Variants in ATP2B3 observed in about 807,000 individuals in gnomAD.
ATP2B3 encodes ATPase plasma membrane Ca2+ transporting 3.
Under a neutral mutation model 70.8 loss-of-function variants are expected in ATP2B3, and 12 were observed. The ratio of observed to expected loss-of-function variants is 0.17; its 90% CI spans 0.11 to 0.27. The LOEUF (loss-of-function observed/expected upper bound fraction) is 0.27. ATP2B3 is among the 10% of genes least tolerant of loss of function. ATP2B3 has a pLI of 1.00. For synonymous variants in ATP2B3, 460 were observed against 497.8 expected (o/e 0.92, Z 1.01); for missense variants, 858 against 1,118.5 (o/e 0.77, Z 3.32).
chrX:153,550,760 C>T (rs1305320699), intron 12 of ATP2B3, among the ~76,000 whole-genome samples: 1 of 111,403 alleles, frequency 9.0e-6, no homozygotes, highest in Non-Finnish European at 1.9e-5. Flanking sequence ...CCACGCCCAG[C>T]GAATTTTCAA....
At chrX:153,526,852 C>G (rs782474173) in intron 2 of ATP2B3, among the ~76,000 whole-genome samples, 9 of 112,168 alleles carry the variant, frequency 8.0e-5, no homozygotes, top group Non-Finnish European at 1.5e-4. Context: ...GGCCTCTGAC[C>G]TTGACACCAA....
At chrX:153,569,685 A>G in intron 21 of ATP2B3, 1 of 1,211,438 alleles carries the variant, frequency 8.3e-7, no homozygotes, top group Non-Finnish European at 1.1e-6. Flanking sequence ...AGCCAGCTTC[A>G]TGACGTAACC....
At chrX:153,572,867 A>G (rs904808551) in intron 21 of ATP2B3, among the ~76,000 whole-genome samples, 13 of 112,271 alleles carry the variant, frequency 1.2e-4, no homozygotes, top group Non-Finnish European at 1.9e-4. Flanking sequence ...CAGCAGGCAC[A>G]GGGGGCTGCG....
At position 153,569,543 on chromosome X, in the gene ATP2B3, C is replaced by G. The variant is rs140501723; in HGVS notation, c.3342+4440C>G. On this transcript the variant is annotated intron_variant, in intron 21 of 21. Coordinates refer to ENST00000263519, the MANE Select transcript of ATP2B3 (RefSeq NM_001001344.3). ...GGCCCCTATCCTCGCCCAGCCCTCC[C>G]CTCCGTGATAGCCTGGACAACAGTG... 6,177 of 1,168,761 alleles carry G rather than the reference C, an allele frequency of 5.3e-3. 25 individuals are homozygous for G. Among genetic ancestry groups the G allele is most frequent in the Middle Eastern group, 0.012 (44 of 3,625 alleles).
In ATP2B3 at chrX:153,556,384, G is replaced by A. The variant is rs1557013628; in HGVS notation, c.2292G>A (p.Arg764=). 2.5e-6 allele frequency: 3 copies of A among 1,206,156 alleles called. No individual in the cohort carries two copies. The highest frequency in any genetic ancestry group is 3.4e-6 in the Non-Finnish European group (3 of 893,393). Residue 764 remains arginine, a synonymous_variant, in exon 15 of 22, where the codon CGG becomes CGA. Coordinates refer to ENST00000263519, the MANE Select transcript of ATP2B3 (RefSeq NM_001001344.3). ...GGCCCAAGCTGAGGGTGCTGGCCCG[G>A]TCGTCTCCCACCGACAAGCACACAC... ...KVWPKLRVLA[R]SSPTDKHTLV...
intron 3 of ATP2B3, among the ~76,000 whole-genome samples, chrX:153,537,998 A>G (rs1223408939): frequency 8.9e-6 from 1 of 112,668 alleles, no homozygotes; most frequent in African/African-American, 3.2e-5. Context: ...CTGGGTCCCC[A>G]AGGCCACAGT....
At chrX:153,554,641 C>T (rs1386905475) in intron 13 of ATP2B3, among the ~76,000 whole-genome samples, 10 of 112,920 alleles carry the variant, frequency 8.9e-5, no homozygotes, top group East Asian at 5.6e-4. Context: ...TCACTGAAAC[C>T]GCCAGGGTGC....
chrX:153,536,505 G>C, intron 3 of ATP2B3, 50 bp downstream of exon 3: 6 of 1,151,107 alleles, frequency 5.2e-6, no homozygotes, highest in Non-Finnish European at 7.0e-6. Context: ...CCAGCCTTCA[G>C]AGGAGCGACC....
intron 21 of ATP2B3, among the ~76,000 whole-genome samples, chrX:153,571,665 C>T (rs2090791341): frequency 8.9e-6 from 1 of 112,672 alleles, no homozygotes; most frequent in South Asian, 3.6e-4. Flanking sequence ...TCCCCCTCCT[C>T]CCCACCTCCG....
intron 2 of ATP2B3, among the ~76,000 whole-genome samples, chrX:153,519,264 C>A (rs1239173130): frequency 8.9e-6 from 1 of 112,301 alleles, no homozygotes; most frequent in Non-Finnish European, 1.9e-5. Context: ...ATCATTGAGG[C>A]CCCCAAGAGG....
At chrX:153,536,585 C>T (rs1557004256) in intron 3 of ATP2B3, 130 bp downstream of exon 3, 1 of 732,901 alleles carries the variant, frequency 1.4e-6, no homozygotes, top group African/African-American at 2.1e-5. Flanking sequence ...CAGCCATTTC[C>T]CTTGAGGGGG....
chrX:153,566,918 C>T (rs1342125345), intron 21 of ATP2B3, among the ~76,000 whole-genome samples: 1 of 112,254 alleles, frequency 8.9e-6, no homozygotes, highest in East Asian at 2.8e-4. Context: ...ACCACGATCA[C>T]GCAGGGCTAG....
intron 13 of ATP2B3, 66 bp downstream of exon 13, chrX:153,553,335 G>C: frequency 2.0e-6 from 2 of 1,006,116 alleles, no homozygotes; most frequent in Non-Finnish European, 2.7e-6. Flanking sequence ...TGTCCGGACT[G>C]GTAGGGGCGG....
At chrX:153,535,421 TCTC>T (rs1240899710) in intron 2 of ATP2B3, among the ~76,000 whole-genome samples, 2 of 110,994 alleles carry the variant, frequency 1.8e-5, no homozygotes, top group Non-Finnish European at 3.8e-5. Flanking sequence ...CCTCTCCTCC[TCTC>T]CTCCTCAGCC....
intron 8 of ATP2B3, among the ~76,000 whole-genome samples, chrX:153,547,098 C>T (rs954573394): frequency 3.6e-5 from 4 of 111,479 alleles, no homozygotes; most frequent in Admixed American, 9.4e-5. Flanking sequence ...CTCCCCAGGT[C>T]GCTGCGTCGG....
rs1281790563 is a variant in ATP2B3, at chrX:153,518,482, TC to T, written c.-194del. On this transcript the variant is annotated 5_prime_UTR_variant, in exon 2 of 22. It removes the in-frame stop codon of an upstream open reading frame in the 5' UTR. Transcript: ENST00000263519. ...TGTGTGACCTTGGCCAGCCAGCTTT[TC>T]CTGTGGCCGCCTGCGTTTTCTCACG... 8.9e-6 allele frequency among the ~76,000 whole-genome samples: 1 copy of T among 112,977 alleles called. No individual in the cohort carries two copies. The highest frequency in any genetic ancestry group is 3.2e-5 in the African/African-American group (1 of 31,167).
chrX:153,526,533 G>T (rs1409410232), intron 2 of ATP2B3, among the ~76,000 whole-genome samples: 1 of 111,907 alleles, frequency 8.9e-6, no homozygotes, highest in Non-Finnish European at 1.9e-5. Context: ...TAGTGTCTTA[G>T]GCAAAATTCA....
chrX:153,521,553 G>A (rs2089959159), intron 2 of ATP2B3, among the ~76,000 whole-genome samples: 1 of 112,172 alleles, frequency 8.9e-6, no homozygotes, highest in South Asian at 3.7e-4. Flanking sequence ...CGGAGTCTTG[G>A]TTCCAAATCA....
At chrX:153,553,391 A>T in intron 13 of ATP2B3, 122 bp downstream of exon 13, 1 of 588,218 alleles carries the variant, frequency 1.7e-6, no homozygotes, top group Non-Finnish European at 2.6e-6. Context: ...AGTACACTTG[A>T]GCCCCGTCCT....
Sources: allele counts gnomAD v4.1 joint callset (sites outside exome capture counted in the v4.1 genomes callset), GRCh38; gene constraint gnomAD v4.1.1; transcripts MANE v1.5; gene names NCBI Gene and HGNC (gene_info 2026-07-23, HGNC 2026-07-21).